Variants in GABRR3 observed in about 807,000 individuals in gnomAD.
GABRR3 encodes the protein gamma-aminobutyric acid receptor subunit rho-3.
In GABRR3, 29 loss-of-function variants were observed where a neutral mutation model predicts 43.2. The ratio of observed to expected loss-of-function variants is 0.67; its 90% CI spans 0.50 to 0.92. The LOEUF (loss-of-function observed/expected upper bound fraction) is 0.92. GABRR3 is among the 40% of genes least tolerant of loss of function. The pLI is 0.00. For missense variants in GABRR3, 576 were observed against 572.3 expected (o/e 1.01, Z -0.07); for synonymous variants, 206 against 195.9 (o/e 1.05, Z -0.43).
chr3:97,992,805 C>A, intron 9 of GABRR3, 47 bp downstream of exon 9: 1 of 1,525,470 alleles, frequency 6.6e-7, no homozygotes, highest in Non-Finnish European at 8.9e-7. Context: ...TAAGGGTAGT[C>A]TTTTCCACAT....
intron 7 of GABRR3, 71 bp downstream of exon 7, chr3:98,007,693 C>T (rs1706737955): frequency 4.5e-6 from 7 of 1,548,874 alleles, no homozygotes; most frequent in African/African-American, 1.4e-5. Context: ...GGTCTTTTCG[C>T]ATGTTGTGGT....
chr3:98,033,894 A>T (rs1334365654), intron 2 of GABRR3, among the ~76,000 whole-genome samples: 1 of 152,152 alleles, frequency 6.6e-6, no homozygotes, highest in Non-Finnish European at 1.5e-5. Context: ...TAATCTAGTA[A>T]CACACTTCTT....
downstream of GABRR3, chr3:97,986,635 T>G: frequency 7.6e-7 from 1 of 1,308,524 alleles, no homozygotes; most frequent in South Asian, 1.5e-5. Context: ...AGAGTTTTGT[T>G]TTTAAACATC....
chr3:98,001,836 A>C (rs1238373031), intron 7 of GABRR3, 69 bp from the exon 8 acceptor site: 1 of 1,555,368 alleles, frequency 6.4e-7, no homozygotes, highest in African/African-American at 1.4e-5. Context: ...TAGTGAAATG[A>C]CCTGCTTCTT....
At chr3:98,015,894 G>T (rs530386242) in intron 4 of GABRR3, among the ~76,000 whole-genome samples, 6 of 152,282 alleles carry the variant, frequency 3.9e-5, no homozygotes, top group African/African-American at 1.4e-4. Context: ...CTGCTATAGA[G>T]AACTACCTGA....
intron 4 of GABRR3, among the ~76,000 whole-genome samples, chr3:98,014,556 A>G (rs1706851432): frequency 6.6e-6 from 1 of 152,234 alleles, no homozygotes; most frequent in African/African-American, 2.4e-5. Flanking sequence ...TCCCTTTTGC[A>G]GGAGAATGGC....
At chr3:97,999,320 C>T (rs1012209592) in intron 8 of GABRR3, 1 of 152,128 alleles carries the variant, frequency 6.6e-6, no homozygotes, top group Non-Finnish European at 1.5e-5. Context: ...TTCATACTTT[C>T]ACTCTCTTTC....
At chr3:98,027,835 A>G (rs1707041980) in intron 2 of GABRR3, among the ~76,000 whole-genome samples, 1 of 152,226 alleles carries the variant, frequency 6.6e-6, no homozygotes, top group African/African-American at 2.4e-5. Context: ...GATTTCAGAT[A>G]AAACATATTG....
At chr3:98,034,323 C>T (rs982929272) in intron 2 of GABRR3, among the ~76,000 whole-genome samples, 1 of 152,182 alleles carries the variant, frequency 6.6e-6, no homozygotes, top group African/African-American at 2.4e-5. Context: ...TCCAAACATG[C>T]TCCTGATTAT....
exon 8 of GABRR3, chr3:98,001,711 C>T: frequency 1.2e-6 from 2 of 1,613,248 alleles, no homozygotes. Context: ...GTTTGCAGCA[C>T]AAAGAAGAAA....
intron 3 of GABRR3, 132 bp from the exon 4 acceptor site, chr3:98,017,854 T>C (rs1372188356): frequency 3.3e-6 from 2 of 604,894 alleles, no homozygotes; most frequent in Non-Finnish European, 5.8e-6. Flanking sequence ...AACAAATTTC[T>C]CCATTATTCA....
At chr3:98,031,509 C>T (rs371147182) in intron 2 of GABRR3, among the ~76,000 whole-genome samples, 2 of 152,018 alleles carry the variant, frequency 1.3e-5, no homozygotes, top group African/African-American at 4.8e-5. Context: ...CTTTGGGAGG[C>T]CAAGGCTGGA....
At chr3:97,987,035 G>T in intron 9 of GABRR3, 53 bp from the exon 10 acceptor site, 2 of 1,164,184 alleles carry the variant, frequency 1.7e-6, no homozygotes, top group Non-Finnish European at 2.4e-6. Context: ...TTACAAATAG[G>T]AATTATGGTA....
chr3:98,002,381 T>G (rs568877193), intron 7 of GABRR3, among the ~76,000 whole-genome samples: 1 of 152,294 alleles, frequency 6.6e-6, no homozygotes, highest in African/African-American at 2.4e-5. Context: ...TAAACTCACG[T>G]TGGTAATATT....
At chr3:97,990,583 GAAATCCGCCTGCCTTGGCCTCCC>G (rs527366419) in intron 9 of GABRR3, among the ~76,000 whole-genome samples, 92 of 152,214 alleles carry the variant, frequency 6.0e-4, no homozygotes, top group Non-Finnish European at 1.2e-3. Context: ...CTGACCTCAA[GAAATCCGCCTGCCTTGGCCTCCC>G]AAAGTGCTGG....
At chr3:98,014,331 C>A (rs1231955625) in intron 4 of GABRR3, among the ~76,000 whole-genome samples, 1 of 152,132 alleles carries the variant, frequency 6.6e-6, no homozygotes, top group East Asian at 1.9e-4. Context: ...GTTCTCAGAG[C>A]ACAACAGGCT....
intron 3 of GABRR3, among the ~76,000 whole-genome samples, chr3:98,023,796 G>A (rs902308721): frequency 1.3e-5 from 2 of 152,330 alleles, no homozygotes; most frequent in Non-Finnish European, 2.9e-5. Context: ...AACTCACCAT[G>A]ATTTCATCTG....
chr3:98,014,569 A>G (rs1297275614), intron 4 of GABRR3, among the ~76,000 whole-genome samples: 7 of 152,196 alleles, frequency 4.6e-5, no homozygotes, highest in Non-Finnish European at 2.9e-5. Context: ...AGAATGGCAA[A>G]TGAATCTTTA....
intron 8 of GABRR3, chr3:97,998,989 G>A (rs1706597092): frequency 6.6e-6 from 1 of 152,076 alleles, no homozygotes; most frequent in African/African-American, 2.4e-5. Flanking sequence ...GTTTTTAAGA[G>A]TGTAAATGGG....
Sources: allele counts gnomAD v4.1 joint callset (sites outside exome capture counted in the v4.1 genomes callset), GRCh38; gene constraint gnomAD v4.1.1; transcripts MANE v1.5; gene names NCBI Gene and HGNC (gene_info 2026-07-23, HGNC 2026-07-21).